CNTN4: variants seen among roughly 807,000 people sequenced by gnomAD.
The protein encoded by CNTN4 is contactin-4.
CNTN4 carries 77 observed loss-of-function variants against 122.5 expected under a neutral mutation model. The ratio of observed to expected loss-of-function variants is 0.63; its 90% CI spans 0.52 to 0.76. The LOEUF is 0.76. Ranked by LOEUF, CNTN4 falls within the 30% of genes least tolerant of loss-of-function variation. The pLI is 0.00. For missense variants in CNTN4, 1,256 were observed against 1,259.1 expected (o/e 1.00, Z 0.04); for synonymous variants, 512 against 447.0 (o/e 1.15, Z -1.83).
intron 7 of CNTN4, among the ~76,000 whole-genome samples, chr3:2,821,737 T>G (rs377425406): frequency 6.6e-6 from 1 of 152,208 alleles, no homozygotes; most frequent in East Asian, 1.9e-4. Flanking sequence ...TAGTAATATT[T>G]ATTAGGATTC....
At chr3:2,159,642 G>A (rs1244975937) in intron 2 of CNTN4, among the ~76,000 whole-genome samples, 2 of 152,060 alleles carry the variant, frequency 1.3e-5, no homozygotes, top group Non-Finnish European at 1.5e-5. Flanking sequence ...TTTCCCTGAG[G>A]ACTATTGCAG....
At chr3:2,865,473 AGAC>A (rs1177436301) in intron 7 of CNTN4, among the ~76,000 whole-genome samples, 1 of 152,228 alleles carries the variant, frequency 6.6e-6, no homozygotes, top group Admixed American at 6.5e-5. Flanking sequence ...TTATACATTT[AGAC>A]TTTAGCTCAG....
At chr3:2,982,613 C>T (rs1025671501) in intron 13 of CNTN4, among the ~76,000 whole-genome samples, 2 of 152,150 alleles carry the variant, frequency 1.3e-5, no homozygotes, top group South Asian at 4.1e-4. Flanking sequence ...GCAATCCCAG[C>T]AGAAAGAGAT....
At chr3:2,170,075 A>G (rs2036411544) in intron 2 of CNTN4, among the ~76,000 whole-genome samples, 1 of 152,034 alleles carries the variant, frequency 6.6e-6, no homozygotes, top group Admixed American at 6.5e-5. Flanking sequence ...TAATCCCAGC[A>G]CTTTGGGAGG....
chr3:2,895,571 GCCATCTC>G, intron 10 of CNTN4, among the ~76,000 whole-genome samples: 1 of 152,288 alleles, frequency 6.6e-6, no homozygotes, highest in Non-Finnish European at 1.5e-5. Flanking sequence ...TATGGGAGAT[GCCATCTC>G]CCATACCATT....
intron 8 of CNTN4, among the ~76,000 whole-genome samples, chr3:2,875,202 C>T (rs1054309994): frequency 2.0e-5 from 3 of 152,048 alleles, no homozygotes; most frequent in African/African-American, 7.2e-5. Context: ...AGGCTGGTCT[C>T]GAACTTCTGA....
Position 2,341,383 on chromosome 3 carries a change from ATCT to A in CNTN4, c.-89+2155_-89+2157del, listed in dbSNP as rs529667207. Among the ~76,000 whole-genome samples, 30 of 152,366 alleles carry A rather than the reference ATCT, an allele frequency of 2.0e-4. No homozygotes were observed. The South Asian group carries it at 2.5e-3, about 13-fold the overall frequency. The stretch of plus-strand genomic sequence containing the variant: ...GTGAACTTCTGAAGCCAGTGATTGC[ATCT>A]TCTTGTTCTTCATGGTATTCCAAGA... On this transcript the variant is annotated intron_variant, in intron 3 of 24. Transcript: ENST00000418658.
At chr3:2,723,360 A>G (rs73009826) in intron 4 of CNTN4, among the ~76,000 whole-genome samples, 25,490 of 152,172 alleles carry the variant, frequency 0.17, 2,750 homozygotes, top group East Asian at 0.41. Context: ...GCCTTAGTCC[A>G]TTTGTGCTGC....
At chr3:2,854,028 T>C (rs2093589641) in intron 7 of CNTN4, among the ~76,000 whole-genome samples, 1 of 152,182 alleles carries the variant, frequency 6.6e-6, no homozygotes, top group Non-Finnish European at 1.5e-5. Flanking sequence ...TCTAGTCCTC[T>C]TCACTGCACC....
At chr3:2,673,785 G>A (rs548093282) in intron 4 of CNTN4, among the ~76,000 whole-genome samples, 62 of 152,070 alleles carry the variant, frequency 4.1e-4, no homozygotes, top group African/African-American at 1.4e-3. Context: ...CTCGTGATCC[G>A]CCTGCCTCAG....
At chr3:2,769,540 C>G (rs1294526911) in intron 6 of CNTN4, among the ~76,000 whole-genome samples, 4 of 151,570 alleles carry the variant, frequency 2.6e-5, no homozygotes, top group African/African-American at 9.7e-5. Context: ...TTGATACTAT[C>G]TTTCTGTAAT....
chr3:2,790,219 G>A (rs1231039478), intron 6 of CNTN4, among the ~76,000 whole-genome samples: 2 of 152,180 alleles, frequency 1.3e-5, no homozygotes, highest in African/African-American at 4.8e-5. Context: ...TTCATCTTCT[G>A]AGTGCTACTG....
chr3:2,193,677 A>G (rs543571395), intron 2 of CNTN4, among the ~76,000 whole-genome samples: 1 of 152,344 alleles, frequency 6.6e-6, no homozygotes, highest in East Asian at 1.9e-4. Flanking sequence ...TCAGTAATGC[A>G]TCACATATGC....
intron 4 of CNTN4, among the ~76,000 whole-genome samples, chr3:2,619,740 T>C (rs1367499313): frequency 6.6e-6 from 1 of 152,226 alleles, no homozygotes; most frequent in Admixed American, 6.5e-5. Flanking sequence ...ACAAGCACTT[T>C]TTCCTTGAAA....
At chr3:2,826,459 A>G (rs141918834) in intron 7 of CNTN4, among the ~76,000 whole-genome samples, 77 of 152,322 alleles carry the variant, frequency 5.1e-4, no homozygotes, top group African/African-American at 1.8e-3. Flanking sequence ...ATGCCTTTCC[A>G]CAGCATGGTT....
chr3:2,771,170 A>T (rs1268745619), intron 6 of CNTN4, among the ~76,000 whole-genome samples: 3 of 152,156 alleles, frequency 2.0e-5, no homozygotes, highest in African/African-American at 7.2e-5. Flanking sequence ...CCCATGGGAG[A>T]TAGGCATGCC....
At chr3:2,276,785 G>A (rs923322704) in intron 2 of CNTN4, among the ~76,000 whole-genome samples, 3 of 152,044 alleles carry the variant, frequency 2.0e-5, no homozygotes, top group Non-Finnish European at 2.9e-5. Flanking sequence ...GCGTGGTGGC[G>A]CGTGCTTGTG....
At position 2,333,353 on chromosome 3, in the gene CNTN4, T is replaced by G. The variant is rs372224784; in HGVS notation, c.-144-5825T>G. On this transcript the variant is annotated intron_variant, in intron 2 of 24. Transcript: ENST00000418658. The stretch of plus-strand genomic sequence containing the variant: ...AAACCTCCTACACTGTGTAATACTG[T>G]CATCTCAGGGAGAGCCACTGTTCAT... 1.1e-3 allele frequency among the ~76,000 whole-genome samples: 173 copies of G among 152,358 alleles called. 1 individual carries two copies. Among genetic ancestry groups the G allele is most frequent in the African/African-American group, 4.0e-3 (165 of 41,594 alleles).
Position 2,709,794 on chromosome 3 carries a change from G to A in CNTN4, c.56-26421G>A, listed in dbSNP as rs2087006973. 6.6e-6 allele frequency among the ~76,000 whole-genome samples: 1 copy of A among 151,854 alleles called. No individual in the cohort carries two copies. Among genetic ancestry groups the A allele is most frequent in the Non-Finnish European group, 1.5e-5 (1 of 67,960 alleles). On this transcript the variant is annotated intron_variant, in intron 4 of 24. Transcript: ENST00000418658. The surrounding 1 kb of genome is among the most constrained non-coding windows in gnomAD (Gnocchi z 5.0). The stretch of plus-strand genomic sequence containing the variant: ...CCAGGCGTGGTGGTGCACACCTGTA[G>A]TCCCAGCTACTTGGGAGGCTGAGCC...
Sources: gnomAD v4.1 joint callset for allele counts (sites outside exome capture counted in the v4.1 genomes callset) on GRCh38, gnomAD v4.1.1 for gene constraint, Gnocchi (gnomAD v3.1) non-coding constraint, MANE v1.5 for transcripts, NCBI Gene and HGNC (gene_info 2026-07-23, HGNC 2026-07-21) for gene names.